The following LINGO2 variants were observed in gnomAD, a reference collection of about 807,000 sequenced individuals.
The protein encoded by LINGO2 is leucine-rich repeat and immunoglobulin-like domain-containing nogo receptor-interacting protein 2.
LINGO2 carries 14 observed loss-of-function variants against 30.6 expected under a neutral mutation model. The ratio of observed to expected loss-of-function variants is 0.46; its 90% confidence interval spans 0.30 to 0.72. The LOEUF (loss-of-function observed/expected upper bound fraction) is 0.72, where lower values mean the gene tolerates loss of function less well. Ranked by LOEUF, LINGO2 falls within the 30% of genes least tolerant of loss-of-function variation. The probability of loss-of-function intolerance (pLI) is 0.07; values close to 1 mark genes in which losing one functional copy is unlikely to be tolerated. For synonymous variants in LINGO2, 317 were observed against 288.5 expected (o/e 1.10, Z -1.00); for missense variants, 729 against 751.7 (o/e 0.97, Z 0.35).
chr9:28,052,159 T>C (rs1054573800), intron 4 of LINGO2, among the ~76,000 whole-genome samples: 2 of 152,088 alleles, frequency 1.3e-5, no homozygotes, highest in African/African-American at 4.8e-5. Context: ...AGTTCCTCTG[T>C]AGTGAATTCA....
intron 4 of LINGO2, among the ~76,000 whole-genome samples, chr9:28,077,882 T>G (rs950004640): frequency 4.7e-5 from 7 of 148,952 alleles, no homozygotes; most frequent in Non-Finnish European, 8.8e-5. Context: ...GTTACTTGTC[T>G]TTGTGAAAAT....
At chr9:28,106,311 T>C (rs1348368831) in intron 4 of LINGO2, among the ~76,000 whole-genome samples, 1 of 152,102 alleles carries the variant, frequency 6.6e-6, no homozygotes, top group Non-Finnish European at 1.5e-5. Context: ...CCACACAATT[T>C]AAAGAAGAAT....
At chr9:28,898,579 C>T in the LINGO2 span, among the ~76,000 whole-genome samples, 2 of 151,978 alleles carry the variant, frequency 1.3e-5, no homozygotes, top group African/African-American at 4.8e-5. Flanking sequence ...TCATAGTAAT[C>T]GACCCCTTTT....
At chr9:28,680,359 C>T in the LINGO2 span, among the ~76,000 whole-genome samples, 179 of 152,056 alleles carry the variant, frequency 1.2e-3, 2 homozygotes, top group African/African-American at 4.2e-3. Flanking sequence ...ATTCATTCAT[C>T]TGATGAGAAA....
the LINGO2 span, among the ~76,000 whole-genome samples, chr9:28,718,196 A>T: frequency 1.3e-5 from 2 of 151,768 alleles, no homozygotes; most frequent in African/African-American, 4.8e-5. Context: ...AAAACAAACC[A>T]TGTGAGACTT....
chr9:28,688,914 C>T, the LINGO2 span, among the ~76,000 whole-genome samples: 6 of 152,188 alleles, frequency 3.9e-5, no homozygotes, highest in African/African-American at 9.6e-5. Context: ...GATTTATTAA[C>T]GTGTTGAGGG....
At chr9:29,053,269 T>C in the LINGO2 span, among the ~76,000 whole-genome samples, 2 of 152,174 alleles carry the variant, frequency 1.3e-5, no homozygotes, top group Admixed American at 6.5e-5. Flanking sequence ...GAAAGTTCAG[T>C]TGGGCTTTTA....
At chr9:28,461,205 G>C (rs985423708) in intron 2 of LINGO2, among the ~76,000 whole-genome samples, 1 of 152,110 alleles carries the variant, frequency 6.6e-6, no homozygotes, top group Non-Finnish European at 1.5e-5. Context: ...TCAAAATAAT[G>C]TTCCGGATGG....
chr9:28,044,587 AT>A (rs201616245), intron 4 of LINGO2, among the ~76,000 whole-genome samples: 3 of 151,424 alleles, frequency 2.0e-5, no homozygotes, highest in Non-Finnish European at 3.0e-5. Context: ...GTTTGGTTTG[AT>A]TTTTTTTTAG....
intron 1 of LINGO2, among the ~76,000 whole-genome samples, chr9:28,559,528 C>A (rs899389958): frequency 6.6e-6 from 1 of 152,112 alleles, no homozygotes; most frequent in Non-Finnish European, 1.5e-5. Flanking sequence ...CAAGATCCTA[C>A]AGTACATGGC....
intron 4 of LINGO2, among the ~76,000 whole-genome samples, chr9:28,229,918 A>G (rs1821299392): frequency 6.6e-6 from 1 of 151,874 alleles, no homozygotes; most frequent in Non-Finnish European, 1.5e-5. Context: ...TTTCATCTCA[A>G]AAAAGAACAA....
chr9:29,100,592 C>CT, the LINGO2 span, among the ~76,000 whole-genome samples: 1 of 147,180 alleles, frequency 6.8e-6, no homozygotes, highest in African/African-American at 2.6e-5. Context: ...AGACTCTTAT[C>CT]TCAAAAAAAA....
intron 5 of LINGO2, among the ~76,000 whole-genome samples, chr9:28,004,129 GC>G (rs1463540801): frequency 6.6e-6 from 1 of 151,988 alleles, no homozygotes; most frequent in Non-Finnish European, 1.5e-5. Context: ...TCTTGAATTG[GC>G]CCCTTATTAA....
intron 4 of LINGO2, among the ~76,000 whole-genome samples, chr9:28,065,192 T>TA (rs748360364): frequency 0.02 from 2,836 of 138,626 alleles, 33 homozygotes; most frequent in African/African-American, 0.034. Context: ...ATCTCCAAGT[T>TA]AAAAAAAAAA....
chr9:28,274,107 G>A lies in LINGO2; in HGVS notation c.-87+21101C>T, dbSNP rs534916561. 2.0e-5 allele frequency among the ~76,000 whole-genome samples: 3 copies of A among 152,242 alleles called. No individual in the cohort carries two copies. The East Asian group carries it at 5.8e-4, about 30-fold the overall frequency. On this transcript the variant is annotated intron_variant, in intron 4 of 5. Transcript: ENST00000379992. ...ATAATTAATATTTACTGTAGATGAT[G>A]ACATCTATGGACATATTTTTTGAAT...
rs2383752 is a variant in LINGO2, at chr9:27,951,199, C to G, written c.-35-493G>C. On this transcript the variant is annotated intron_variant, in intron 5 of 5. Transcript: ENST00000379992. Reference sequence around the variant, plus strand: ...TCATTCTATATCAGGCCTTTAGGTGCAACATACAAAACAAACTTATATTCA... The same window carrying G: ...TCATTCTATATCAGGCCTTTAGGTGGAACATACAAAACAAACTTATATTCA... 0.01 allele frequency among the ~76,000 whole-genome samples: 1,559 copies of G among 152,298 alleles called. 137 individuals are homozygous for G. In the East Asian group the frequency reaches 0.22, roughly 21 times the overall value.
At chr9:29,122,394 C>A in the LINGO2 span, among the ~76,000 whole-genome samples, 2 of 152,000 alleles carry the variant, frequency 1.3e-5, no homozygotes, top group East Asian at 3.9e-4. Flanking sequence ...AAAACATGCA[C>A]TGACTTCAGT....
the LINGO2 span, among the ~76,000 whole-genome samples, chr9:29,191,798 A>C: frequency 3.9e-5 from 6 of 152,304 alleles, no homozygotes; most frequent in African/African-American, 1.4e-4. Context: ...CCAGGGATAT[A>C]AAGATGAATA....
the LINGO2 span, among the ~76,000 whole-genome samples, chr9:28,757,636 C>T: frequency 6.6e-6 from 1 of 151,962 alleles, no homozygotes; most frequent in Non-Finnish European, 1.5e-5. Flanking sequence ...CAACTGATCT[C>T]CAATTAGGCC....
Sources: allele counts gnomAD v4.1 joint callset (sites outside exome capture counted in the v4.1 genomes callset), GRCh38; gene constraint gnomAD v4.1.1; transcripts MANE v1.5; gene names NCBI Gene and HGNC (gene_info 2026-07-23, HGNC 2026-07-21).